MANBA: variants seen among roughly 807,000 people sequenced by gnomAD.
The protein encoded by MANBA is mannosidase beta, also known as beta-mannosidase.
MANBA carries 83 observed loss-of-function variants against 111.1 expected under a neutral mutation model. That is an observed-to-expected ratio of 0.75 (90% CI 0.63 to 0.90). MANBA has a LOEUF of 0.90. MANBA is among the 40% of genes least tolerant of loss of function. The pLI is 0.00. For missense variants in MANBA, 1,036 were observed against 1,069.0 expected (o/e 0.97, Z 0.43); for synonymous variants, 370 against 378.7 (o/e 0.98, Z 0.27).
At chr4:102,752,896 T>C (rs549464615) in intron 1 of MANBA, among the ~76,000 whole-genome samples, 1 of 152,322 alleles carries the variant, frequency 6.6e-6, no homozygotes, top group East Asian at 1.9e-4. Flanking sequence ...TCTTACAGTT[T>C]ATAGTTAATT....
rs752398514 is a variant in MANBA at position 102,650,593 on chromosome 4, G to A, written c.1813C>T (p.Leu605Phe). Reference sequence around the variant, plus strand: ...CGTAATGGATCTGTGCTTTGGGGGAGTTTGAAATGAAGTCCAGCCTGATAA... The same window carrying A: ...CGTAATGGATCTGTGCTTTGGGGGAATTTGAAATGAAGTCCAGCCTGATAA... ...MLYQAGLHFK[L>F]PQSTDPLRTF... Residue 605 changes from leucine (L) to phenylalanine (F), a missense_variant, in exon 13 of 17, where the codon CTC becomes TTC. Leu to Phe is a conservative substitution (Grantham distance 22). Coordinates refer to ENST00000647097, the MANE Select transcript of MANBA (RefSeq NM_005908.4). 6.2e-7 allele frequency: 1 copy of A among 1,613,480 alleles called. No individual in the cohort carries two copies. Among genetic ancestry groups the A allele is most frequent in the Non-Finnish European group, 8.5e-7 (1 of 1,179,448 alleles).
At position 102,675,212 on chromosome 4, in the gene MANBA, T is replaced by C. The variant is rs573639020; in HGVS notation, c.961-1142A>G. Among the ~76,000 whole-genome samples the C allele has an allele frequency of 5.3e-5, 8 of 152,330 alleles. No individual in the cohort carries two copies. The East Asian group carries it at 1.5e-3, about 29-fold the overall frequency. ...ACTCCAGGAGGTCCCTTGGAGACTG[T>C]CAGTGTGTCCTTGACTTTACTTAGA... On this transcript the variant is annotated intron_variant, in intron 7 of 16. Transcript: ENST00000647097.
intron 12 of MANBA, among the ~76,000 whole-genome samples, chr4:102,657,238 G>GGGCA (rs1730605431): frequency 1.9e-5 from 2 of 105,108 alleles, no homozygotes; most frequent in Non-Finnish European, 3.9e-5. Context: ...GGGGGTGGGC[G>GGGCA]GTGGTAATGG....
intron 1 of MANBA, among the ~76,000 whole-genome samples, chr4:102,760,061 A>G (rs1242824488): frequency 6.6e-6 from 1 of 151,082 alleles, no homozygotes; most frequent in Non-Finnish European, 1.5e-5. Context: ...CCCCACAAGT[A>G]GTCTGTAAAT....
In MANBA at chr4:102,690,606, T is replaced by C. The variant is rs756753847; in HGVS notation, c.839A>G (p.Asn280Ser). The C allele has an allele frequency of 6.2e-7, 1 of 1,611,158 alleles. No individual in the cohort carries two copies. The highest frequency in any genetic ancestry group is 8.5e-7 in the Non-Finnish European group (1 of 1,178,056). Reference protein sequence around the residue: ...PGKRIVELFVNISKNITVETW... With the variant: ...PGKRIVELFVSISKNITVETW... The stretch of plus-strand genomic sequence containing the variant: ...AGTACCATCATTTACCTTGCTAATG[T>C]TCACAAATAGCTCAACAATCCTTTT... Residue 280 changes from asparagine to serine, a missense_variant, in exon 6 of 17, where the codon AAC becomes AGC. By Grantham distance (46) the Asn-to-Ser change is conservative. Coordinates refer to ENST00000647097, the MANE Select transcript of MANBA (RefSeq NM_005908.4).
At chr4:102,656,147 G>T (rs1188633144) in intron 12 of MANBA, among the ~76,000 whole-genome samples, 1 of 152,072 alleles carries the variant, frequency 6.6e-6, no homozygotes, top group African/African-American at 2.4e-5. Context: ...CAGCTTCTTG[G>T]GGATGCTGAG....
intron 1 of MANBA, chr4:102,734,510 G>A: frequency 1.2e-6 from 2 of 1,607,770 alleles, no homozygotes; most frequent in East Asian, 2.2e-5. Context: ...ACGAGGTGGA[G>A]GCTGAACCAT....
At chr4:102,759,508 A>G (rs560068439) in intron 1 of MANBA, among the ~76,000 whole-genome samples, 1 of 151,946 alleles carries the variant, frequency 6.6e-6, no homozygotes, top group East Asian at 1.9e-4. Context: ...CTAAAAATAC[A>G]TCGGACAATG....
At chr4:102,633,822 T>C (rs1358075982) in intron 16 of MANBA, among the ~76,000 whole-genome samples, 1 of 152,160 alleles carries the variant, frequency 6.6e-6, no homozygotes, top group Non-Finnish European at 1.5e-5. Flanking sequence ...ACTGTCATTT[T>C]CTTCTGTTCT....
At chr4:102,754,326 A>T (rs1274906430) in intron 1 of MANBA, among the ~76,000 whole-genome samples, 4 of 152,126 alleles carry the variant, frequency 2.6e-5, no homozygotes, top group Non-Finnish European at 5.9e-5. Context: ...TTGTCTAAGA[A>T]AATAAAGATG....
chr4:102,713,544 A>G (rs1029001098), intron 5 of MANBA, among the ~76,000 whole-genome samples: 1 of 152,224 alleles, frequency 6.6e-6, no homozygotes, highest in Non-Finnish European at 1.5e-5. Flanking sequence ...CTGAGGTTCT[A>G]TTTCAATGCT....
rs75826658 is a variant in MANBA at position 102,632,215 on chromosome 4, C to T, written c.2482G>A (p.Val828Ile). 26,287 of 1,613,602 alleles carry T rather than the reference C, an allele frequency of 0.016. 286 individuals are homozygous for T. The highest frequency in any genetic ancestry group is 0.018 in the Non-Finnish European group (21,293 of 1,179,742). ...GGGATGCTTCCTACATCCAACCAAA[C>T]AAAGGGAGCGACAGCTGAGGTCTCC... is the stretch of plus-strand genomic sequence containing the variant. ...DLETSAVAPF[V>I]WLDVGSIPGR... Residue 828 changes from valine (V) to isoleucine (I), a missense_variant, in exon 17 of 17, where the codon GTT becomes ATT. Coordinates refer to ENST00000647097, the MANE Select transcript of MANBA (RefSeq NM_005908.4).
At chr4:102,746,157 G>T (rs1211824049) in intron 1 of MANBA, among the ~76,000 whole-genome samples, 3 of 152,150 alleles carry the variant, frequency 2.0e-5, no homozygotes, top group African/African-American at 4.8e-5. Context: ...GGCAAAAAAG[G>T]TTCATCAGAG....
chr4:102,669,236 C>T lies in MANBA; in HGVS notation c.1231-187G>A, dbSNP rs553182020. Among the ~76,000 whole-genome samples, 57 of 152,218 alleles carry T rather than the reference C, an allele frequency of 3.7e-4. No individual in the cohort carries two copies. The South Asian group carries it at 0.011, about 30-fold the overall frequency. On this transcript the variant is annotated intron_variant, in intron 9 of 16. Coordinates refer to ENST00000647097, the MANE Select transcript of MANBA (RefSeq NM_005908.4). Reference sequence around the variant, plus strand: ...AAGAAATGTATCAAAGACATTAGGACTTCCCAGAACTGCACAAAATCTGAG... The same window carrying T: ...AAGAAATGTATCAAAGACATTAGGATTTCCCAGAACTGCACAAAATCTGAG...
intron 5 of MANBA, among the ~76,000 whole-genome samples, chr4:102,700,218 T>G (rs1299161292): frequency 6.6e-6 from 1 of 152,036 alleles, no homozygotes; most frequent in Non-Finnish European, 1.5e-5. Flanking sequence ...CCTTTATCAT[T>G]TTTTATTGCA....
At position 102,709,327 on chromosome 4, in the gene MANBA, A is replaced by AGGAAGG. The variant is rs1560788771; in HGVS notation, c.673+5110_673+5111insCCTTCC. 4.8e-5 allele frequency among the ~76,000 whole-genome samples: 6 copies of AGGAAGG among 126,174 alleles called. 2 individuals are homozygous for AGGAAGG. The highest frequency in any genetic ancestry group is 4.7e-4 in the South Asian group (2 of 4,272). 82.8% of individuals were successfully genotyped at this position (126,174 alleles called of 152,430 possible). A position where few individuals can be genotyped will look rare whatever the true frequency, so the allele number is the denominator to read the frequency against. On this transcript the variant is annotated intron_variant, in intron 5 of 16. Transcript: ENST00000647097. ...GGAAGGAAGGAAGAAAAGAAAAGAA[A>AGGAAGG]AAGAAAGGAAGGAAGGAAGGAAGGA...
At chr4:102,666,822 C>T (rs1731248617) in intron 10 of MANBA, 1 of 152,276 alleles carries the variant, frequency 6.6e-6, no homozygotes, top group Admixed American at 6.5e-5. Context: ...GGCAATCACC[C>T]TTGTAGCCAC....
chr4:102,648,555 T>C (rs1192080088), intron 13 of MANBA, among the ~76,000 whole-genome samples: 8 of 152,030 alleles, frequency 5.3e-5, no homozygotes, highest in Non-Finnish European at 1.2e-4. Context: ...AGAAAATAGA[T>C]TTATGTTGTC....
intron 13 of MANBA, among the ~76,000 whole-genome samples, chr4:102,649,405 C>T (rs979840771): frequency 1.3e-5 from 2 of 152,196 alleles, no homozygotes; most frequent in African/African-American, 4.8e-5. Context: ...CTCGCTTCCT[C>T]ACCAGCAGTT....
Sources: gnomAD v4.1 joint callset for allele counts (sites outside exome capture counted in the v4.1 genomes callset) on GRCh38, gnomAD v4.1.1 for gene constraint, MANE v1.5 for transcripts, NCBI Gene and HGNC (gene_info 2026-07-23, HGNC 2026-07-21) for gene names.